Variants in SDK1 observed in about 807,000 individuals in gnomAD.
The protein encoded by SDK1 is sidekick cell adhesion molecule 1.
A neutral mutation model predicts 245.5 loss-of-function variants in SDK1; 157 were observed. The observed-to-expected ratio is 0.64, with a 90% CI of 0.56 to 0.73. The LOEUF (loss-of-function observed/expected upper bound fraction) is 0.73, where lower values mean the gene tolerates loss of function less well. SDK1 is among the 30% of genes least tolerant of loss of function. The probability of loss-of-function intolerance (pLI) is 0.00; values close to 1 mark genes in which losing one functional copy is unlikely to be tolerated. For missense variants in SDK1, 3,583 were observed against 3,002.3 expected, an observed-to-expected ratio of 1.19 and a Z score of -4.52; for synonymous variants, 1,647 against 1,278.5, an observed-to-expected ratio of 1.29 and a Z score of -6.15.
intron 44 of SDK1, among the ~76,000 whole-genome samples, chr7:4,249,861 A>G (rs1190604299): frequency 6.6e-6 from 1 of 152,198 alleles, no homozygotes; most frequent in African/African-American, 2.4e-5. Flanking sequence ...TGTTTGAAAC[A>G]GCTGGATTAA....
chr7:3,645,674 G>T (rs190582769), intron 4 of SDK1, among the ~76,000 whole-genome samples: 1 of 152,076 alleles, frequency 6.6e-6, no homozygotes. Context: ...GTCTAAGAAA[G>T]TACAGTTTTT....
intron 7 of SDK1, among the ~76,000 whole-genome samples, chr7:3,956,021 C>A (rs1045460165): frequency 6.6e-6 from 1 of 152,216 alleles, no homozygotes; most frequent in Non-Finnish European, 1.5e-5. Context: ...TGACTTCACA[C>A]AGGGCATGAG....
chr7:3,609,411 C>G (rs1781522277), intron 1 of SDK1, among the ~76,000 whole-genome samples: 1 of 151,812 alleles, frequency 6.6e-6, no homozygotes, highest in Non-Finnish European at 1.5e-5. Context: ...TTTTCTTTTT[C>G]TTTTTTTGAG....
chr7:4,015,047 G>A (rs181901524), intron 16 of SDK1, among the ~76,000 whole-genome samples: 339 of 152,160 alleles, frequency 2.2e-3, no homozygotes, highest in Non-Finnish European at 4.2e-3. Context: ...CATACTTCTC[G>A]GTAGAAGAGC....
chr7:3,627,424 CAGATTGCG>C (rs1782155560), intron 2 of SDK1, among the ~76,000 whole-genome samples: 2 of 152,124 alleles, frequency 1.3e-5, no homozygotes, highest in African/African-American at 4.8e-5. Flanking sequence ...TTCATGCTTC[CAGATTGCG>C]GTGCTGGCCT....
intron 5 of SDK1, among the ~76,000 whole-genome samples, chr7:3,844,029 G>A (rs1780219754): frequency 6.6e-6 from 1 of 152,120 alleles, no homozygotes; most frequent in Non-Finnish European, 1.5e-5. Context: ...GGAGTACAGT[G>A]GTGTGATCTC....
Position 3,499,706 on chromosome 7 carries a change from C to G in SDK1, c.299-119374C>G, listed in dbSNP as rs555487245. Among the ~76,000 whole-genome samples the G allele has an allele frequency of 3.3e-5, 5 of 152,260 alleles. No homozygotes were observed. The South Asian group carries it at 1.0e-3, about 32-fold the overall frequency. On this transcript the variant is annotated intron_variant, in intron 1 of 44. Transcript: ENST00000404826. ...CTGCAGGCTACTATAAGAAGAGAAACGGAGCTGAGTCTGGGTCATAGCCGG... is the reference window on the plus strand; with the variant it reads ...CTGCAGGCTACTATAAGAAGAGAAAGGGAGCTGAGTCTGGGTCATAGCCGG...
chr7:3,657,656 G>C (rs36005986), intron 4 of SDK1, among the ~76,000 whole-genome samples: 33,839 of 152,138 alleles, frequency 0.22, 4,593 homozygotes, highest in Non-Finnish European at 0.3. Context: ...CTGAGGAGGT[G>C]TGGAAGGAGC....
intron 4 of SDK1, among the ~76,000 whole-genome samples, chr7:3,771,749 A>T (rs1780410118): frequency 6.6e-6 from 1 of 152,162 alleles, no homozygotes; most frequent in African/African-American, 2.4e-5. Flanking sequence ...TACTGTGGTA[A>T]AATACAGATA....
At chr7:4,042,546 A>G (rs1788709723) in intron 17 of SDK1, among the ~76,000 whole-genome samples, 1 of 131,754 alleles carries the variant, frequency 7.6e-6, no homozygotes, top group South Asian at 2.3e-4. Flanking sequence ...GAAAACCAGA[A>G]AGGAGCATAA....
At chr7:3,454,195 A>G (rs1401619657) in intron 1 of SDK1, among the ~76,000 whole-genome samples, 1 of 152,226 alleles carries the variant, frequency 6.6e-6, no homozygotes, top group Non-Finnish European at 1.5e-5. Flanking sequence ...CCATACAGTA[A>G]GAATACATAA....
chr7:4,117,739 C>G (rs1341701205), intron 25 of SDK1, among the ~76,000 whole-genome samples: 1 of 152,162 alleles, frequency 6.6e-6, no homozygotes, highest in Non-Finnish European at 1.5e-5. Context: ...GCAGGTGCCA[C>G]CGGGAACTGT....
chr7:3,616,456 G>A (rs758389409), intron 1 of SDK1, among the ~76,000 whole-genome samples: 11 of 152,064 alleles, frequency 7.2e-5, no homozygotes, highest in Admixed American at 1.3e-4. Flanking sequence ...TCACTCTTTC[G>A]TACTGCCCAA....
In SDK1 at chr7:4,267,229, CCTTCCTCT is replaced by C. The variant is rs1562498749; in HGVS notation, c.*1850_*1857del. The C allele has an allele frequency of 1.2e-6, 1 of 867,316 alleles. No homozygotes were observed. Among genetic ancestry groups the C allele is most frequent in the Non-Finnish European group, 1.4e-6 (1 of 722,872 alleles). 53.7% of individuals were successfully genotyped at this position (867,316 alleles called of 1,614,324 possible). A position where few individuals can be genotyped will look rare whatever the true frequency, so the allele number is the denominator to read the frequency against. On this transcript the variant is annotated 3_prime_UTR_variant, in exon 45 of 45. Coordinates refer to ENST00000404826, the MANE Select transcript of SDK1 (RefSeq NM_152744.4). ...TTACCCCTCCTTTCCTTCCTTCCTC[CCTTCCTCT>C]CTTCTTTCCTCCCTCCCTCCCTCCT...
chr7:4,137,740 G>A (rs542373742), intron 28 of SDK1, among the ~76,000 whole-genome samples: 6 of 152,224 alleles, frequency 3.9e-5, no homozygotes, highest in South Asian at 2.1e-4. Flanking sequence ...TTCCTCCCTC[G>A]CACACGCCGC....
chr7:3,622,229 G>A (rs1403195950), intron 2 of SDK1, among the ~76,000 whole-genome samples: 1 of 152,212 alleles, frequency 6.6e-6, no homozygotes, highest in East Asian at 1.9e-4. Flanking sequence ...TGTAATCTCA[G>A]CACTTTGGGA....
At chr7:3,649,184 AGAAGACATGGATGGGTGG>A (rs1387068396) in intron 4 of SDK1, among the ~76,000 whole-genome samples, 14 of 152,154 alleles carry the variant, frequency 9.2e-5, no homozygotes, top group African/African-American at 3.1e-4. Context: ...TGCCACGCTG[AGAAGACATGGATGGGTGG>A]GAAGAGAGTC....
At chr7:3,970,593 T>A (rs1323687384) in intron 11 of SDK1, among the ~76,000 whole-genome samples, 1 of 152,242 alleles carries the variant, frequency 6.6e-6, no homozygotes, top group East Asian at 1.9e-4. Flanking sequence ...AAGTGGTATC[T>A]GAATCTCTGT....
intron 3 of SDK1, among the ~76,000 whole-genome samples, chr7:3,641,104 C>G (rs1782635417): frequency 6.6e-6 from 1 of 151,998 alleles, no homozygotes; most frequent in African/African-American, 2.4e-5. Flanking sequence ...TCTTTTCCCT[C>G]AAGTATTAGA....
Sources: gnomAD v4.1 joint callset for allele counts (sites outside exome capture counted in the v4.1 genomes callset) on GRCh38, gnomAD v4.1.1 for gene constraint, MANE v1.5 for transcripts, NCBI Gene and HGNC (gene_info 2026-07-23, HGNC 2026-07-21) for gene names.